UGT8: variants seen among roughly 807,000 people sequenced by gnomAD.
The protein encoded by UGT8 is UDP glycosyltransferase 8, also known as 2-hydroxyacylsphingosine 1-beta-galactosyltransferase.
Under a neutral mutation model 40.5 loss-of-function variants are expected in UGT8, and 12 were observed. The ratio of observed to expected loss-of-function variants is 0.30; its 90% CI spans 0.19 to 0.48. The LOEUF (loss-of-function observed/expected upper bound fraction) is 0.48, where lower values mean the gene tolerates loss of function less well. UGT8 is among the 20% of genes least tolerant of loss of function. UGT8 has a pLI of 0.99. For missense variants in UGT8, 513 were observed against 648.7 expected, an observed-to-expected ratio of 0.79 and a Z score of 2.27; for synonymous variants, 224 against 240.4, an observed-to-expected ratio of 0.93 and a Z score of 0.63.
At chr4:114,624,927 C>T (rs566555995) in intron 2 of UGT8, among the ~76,000 whole-genome samples, 71 of 152,284 alleles carry the variant, frequency 4.7e-4, no homozygotes, top group Non-Finnish European at 8.5e-4. Context: ...CTCAGCTTAT[C>T]TTAGCCATTC....
chr4:114,638,426 A>C (rs1274651922), intron 2 of UGT8, among the ~76,000 whole-genome samples: 1 of 152,168 alleles, frequency 6.6e-6, no homozygotes, highest in East Asian at 1.9e-4. Context: ...TGCTAAGAAA[A>C]TGTTTACTAG....
At chr4:114,659,508 C>T (rs1407521055) in intron 2 of UGT8, among the ~76,000 whole-genome samples, 1 of 152,094 alleles carries the variant, frequency 6.6e-6, no homozygotes, top group Non-Finnish European at 1.5e-5. Flanking sequence ...GTCAGTTTTT[C>T]CCCTATACCC....
rs192627271 is a variant in UGT8, at chr4:114,648,615, G to A, written c.823-15380G>A. ...TAAAACTTCAGTTGCAGAGCTTAGG[G>A]TAGATTAATGCCTATGCAATAAAAC... On this transcript the variant is annotated intron_variant, in intron 2 of 5. Coordinates refer to ENST00000310836, the MANE Select transcript of UGT8 (RefSeq NM_001128174.3). Among the ~76,000 whole-genome samples, 1,042 of 152,142 alleles carry A rather than the reference G, an allele frequency of 6.8e-3. 11 individuals are homozygous for A. Among genetic ancestry groups the A allele is most frequent in the Non-Finnish European group, 9.9e-3 (672 of 67,984 alleles).
At chr4:114,671,250 G>T (rs1578473596) in intron 5 of UGT8, among the ~76,000 whole-genome samples, 2 of 152,064 alleles carry the variant, frequency 1.3e-5, no homozygotes, top group East Asian at 3.9e-4. Flanking sequence ...TTTATAGATT[G>T]AATGCTATTC....
intron 2 of UGT8, among the ~76,000 whole-genome samples, chr4:114,638,585 C>T (rs193266061): frequency 4.6e-5 from 7 of 152,326 alleles, no homozygotes; most frequent in Admixed American, 3.3e-4. Context: ...AAGGTCACCA[C>T]GTGTGAGACA....
chr4:114,623,686 C>T lies in UGT8; in HGVS notation c.806C>T (p.Ala269Val), dbSNP rs2126099079. ...VYVGGILTKPASPLPEDLQRW... is the reference protein window; with the variant it reads ...VYVGGILTKPVSPLPEDLQRW... ...GTAGGAGGAATCCTAACCAAACCAG[C>T]CAGCCCACTACCAGAAGTAAGGTTT... The change falls in exon 2 of 6, where the codon GCC becomes GTC. Residue 269 changes from alanine (A) to valine (V), a missense_variant. Around this residue, in one of 3 missense-constraint regions of UGT8, gnomAD observed 335 missense variants for 444.8 expected, o/e 0.75. Coordinates refer to ENST00000310836, the MANE Select transcript of UGT8 (RefSeq NM_001128174.3). 1.9e-6 allele frequency: 3 copies of T among 1,593,528 alleles called. No homozygotes were observed. The East Asian group carries it at 6.8e-5, about 36-fold the overall frequency.
intron 4 of UGT8, 58 bp downstream of exon 4, chr4:114,665,814 G>GA: frequency 7.2e-7 from 1 of 1,384,338 alleles, no homozygotes; most frequent in Non-Finnish European, 9.9e-7. Flanking sequence ...ACATAAATGT[G>GA]ACTTTTTTTT....
At chr4:114,630,176 T>C (rs559915976) in intron 2 of UGT8, among the ~76,000 whole-genome samples, 2 of 152,354 alleles carry the variant, frequency 1.3e-5, no homozygotes, top group African/African-American at 4.8e-5. Context: ...GAAGACAAAC[T>C]ACCTATTTTC....
At position 114,623,378 on chromosome 4, in the gene UGT8, T is replaced by C; in HGVS notation, c.498T>C (p.Ala166=). The change falls in exon 2 of 6, where the codon GCT becomes GCC. Residue 166 remains alanine (A), a synonymous_variant. Transcript: ENST00000310836. ...AVFSTGLWYP[A]EVGAPAPLAY... The stretch of plus-strand genomic sequence containing the variant: ...TTTCAACTGGCCTTTGGTATCCTGC[T>C]GAAGTGGGTGCTCCTGCTCCATTAG... 6.2e-7 allele frequency: 1 copy of C among 1,614,220 alleles called. No individual in the cohort carries two copies. Among genetic ancestry groups the C allele is most frequent in the Non-Finnish European group, 8.5e-7 (1 of 1,180,026 alleles).
intron 2 of UGT8, among the ~76,000 whole-genome samples, chr4:114,640,057 G>A: frequency 6.9e-6 from 1 of 145,578 alleles, no homozygotes; most frequent in South Asian, 2.2e-4. Flanking sequence ...TTGAGACGGA[G>A]TCTCGCTCTG....
At chr4:114,602,090 T>C (rs1249138730) in intron 1 of UGT8, among the ~76,000 whole-genome samples, 2 of 152,172 alleles carry the variant, frequency 1.3e-5, no homozygotes, top group African/African-American at 4.8e-5. Flanking sequence ...AATGTACCTT[T>C]TATAGAAAAA....
intron 5 of UGT8, among the ~76,000 whole-genome samples, chr4:114,673,189 T>C (rs576877605): frequency 6.6e-6 from 1 of 152,322 alleles, no homozygotes; most frequent in South Asian, 2.1e-4. Context: ...CACTATTTTT[T>C]TGCAATATTC....
intron 3 of UGT8, 137 bp from the exon 4 acceptor site, chr4:114,665,543 A>G: frequency 7.9e-7 from 1 of 1,273,194 alleles, no homozygotes; most frequent in Non-Finnish European, 1.0e-6. Context: ...TGCTGTTACC[A>G]AAGCATGGTT....
chr4:114,627,857 T>C (rs1019341906), intron 2 of UGT8, among the ~76,000 whole-genome samples: 3 of 152,184 alleles, frequency 2.0e-5, no homozygotes, highest in African/African-American at 7.2e-5. Context: ...TTGTACTGTT[T>C]TTGTTGTTGT....
chr4:114,634,334 T>G (rs182001158), intron 2 of UGT8, among the ~76,000 whole-genome samples: 190 of 152,306 alleles, frequency 1.2e-3, no homozygotes, highest in African/African-American at 4.3e-3. Flanking sequence ...ATGGAGTTGA[T>G]AGGAAAGGTC....
intron 2 of UGT8, among the ~76,000 whole-genome samples, chr4:114,660,424 G>A (rs891000401): frequency 1.3e-5 from 2 of 152,094 alleles, no homozygotes; most frequent in African/African-American, 2.4e-5. Context: ...TCATGTTTAT[G>A]CCATTAAGTT....
At chr4:114,634,561 C>G (rs1325323778) in intron 2 of UGT8, among the ~76,000 whole-genome samples, 1 of 151,626 alleles carries the variant, frequency 6.6e-6, no homozygotes, top group Non-Finnish European at 1.5e-5. Flanking sequence ...TGGATGTTTC[C>G]ATGAGTTAGT....
intron 1 of UGT8, among the ~76,000 whole-genome samples, chr4:114,612,092 G>GGTAAGTTTTTAA (rs1731128992): frequency 6.6e-6 from 1 of 152,012 alleles, no homozygotes; most frequent in African/African-American, 2.4e-5. Context: ...ATTTAGTTTA[G>GGTAAGTTTTTAA]ATTTTAAAAT....
At chr4:114,639,274 A>G (rs1280934427) in intron 2 of UGT8, among the ~76,000 whole-genome samples, 1 of 152,212 alleles carries the variant, frequency 6.6e-6, no homozygotes, top group Non-Finnish European at 1.5e-5. Flanking sequence ...GCAAATATAT[A>G]TTCAGTATCA....
Sources: gnomAD v4.1 joint callset for allele counts (sites outside exome capture counted in the v4.1 genomes callset) on GRCh38, gnomAD v4.1.1 for gene constraint, gnomAD v4.1.1 regional missense constraint, MANE v1.5 for transcripts, NCBI Gene and HGNC (gene_info 2026-07-23, HGNC 2026-07-21) for gene names.